The following ERC1 variants were observed in gnomAD, a reference collection of about 807,000 sequenced individuals.
ERC1 encodes the protein ELKS/RAB6-interacting/CAST family member 1, also known as RAB6 interacting protein 2.
Under a neutral mutation model 132.0 loss-of-function variants are expected in ERC1, and 56 were observed. The observed-to-expected ratio is 0.42, with a 90% CI of 0.34 to 0.53. The LOEUF (loss-of-function observed/expected upper bound fraction) is 0.53. Among genes scored for constraint, ERC1 ranks in the 20% least tolerant of loss-of-function variants. ERC1 has a pLI of 0.03. For missense variants in ERC1, 1,202 were observed against 1,349.9 expected, an observed-to-expected ratio of 0.89 and a Z score of 1.72; for synonymous variants, 478 against 476.1, an observed-to-expected ratio of 1.00 and a Z score of -0.05.
chr12:1,482,416 A>G (rs1374273182), intron 18 of ERC1, among the ~76,000 whole-genome samples: 1 of 151,320 alleles, frequency 6.6e-6, no homozygotes, highest in Admixed American at 6.6e-5. Context: ...TAGAGCACTC[A>G]GTCAATTTTT....
At position 1,490,224 on chromosome 12, in the gene ERC1, C is replaced by T; in HGVS notation, c.3345C>T (p.Ser1115=). ...AAGTGGTCAACGCCCTGGAAGAGTC[C>T]TCTTGACCCTGCTTTATGGGGAAGC... ...LEQVVNALEE[S]S is the part of the protein sequence containing the mutation. Residue 1115 remains serine (S), a synonymous_variant, in exon 19 of 19, where the codon TCC becomes TCT. Coordinates refer to ENST00000360905, the MANE Select transcript of ERC1 (RefSeq NM_178040.4). 6.2e-7 allele frequency: 1 copy of T among 1,613,808 alleles called. No individual in the cohort carries two copies.
At chr12:1,405,169 A>AAATAAATAAATAAATG (rs2091386088) in intron 16 of ERC1, among the ~76,000 whole-genome samples, 1 of 148,730 alleles carries the variant, frequency 6.7e-6, no homozygotes, top group African/African-American at 2.4e-5. Flanking sequence ...ATAAATAAAT[A>AAATAAATAAATAAATG]AATAAATAAA....
intron 1 of ERC1, among the ~76,000 whole-genome samples, chr12:1,005,591 G>A (rs544309940): frequency 7.9e-5 from 12 of 152,234 alleles, no homozygotes; most frequent in Admixed American, 6.5e-5. Flanking sequence ...GGTTACTGTA[G>A]TCAATTTTAT....
intron 16 of ERC1, among the ~76,000 whole-genome samples, chr12:1,400,577 A>G (rs1434005785): frequency 1.3e-5 from 2 of 152,098 alleles, no homozygotes; most frequent in Admixed American, 6.5e-5. Context: ...TCTTTGGCCC[A>G]TTTTGAGTTT....
intron 18 of ERC1, among the ~76,000 whole-genome samples, chr12:1,471,388 C>T (rs2093858267): frequency 6.6e-6 from 1 of 152,150 alleles, no homozygotes; most frequent in Non-Finnish European, 1.5e-5. Flanking sequence ...AGGAAGACAG[C>T]CAGAATTTTA....
intron 18 of ERC1, among the ~76,000 whole-genome samples, chr12:1,461,004 A>G (rs1250720757): frequency 1.9e-5 from 2 of 108,066 alleles, no homozygotes; most frequent in Non-Finnish European, 3.4e-5. Context: ...TCCACTTAGG[A>G]TAGACCAAGA....
intron 3 of ERC1, among the ~76,000 whole-genome samples, chr12:1,084,537 T>G (rs1269512922): frequency 6.6e-6 from 1 of 152,204 alleles, no homozygotes; most frequent in Non-Finnish European, 1.5e-5. Flanking sequence ...AGAACATCAT[T>G]GTTTTTTAAA....
intron 17 of ERC1, among the ~76,000 whole-genome samples, chr12:1,428,225 C>CT (rs1196329071): frequency 6.6e-6 from 1 of 152,186 alleles, no homozygotes; most frequent in Non-Finnish European, 1.5e-5. Flanking sequence ...AAATAAAACT[C>CT]TTCACGTATT....
chr12:1,484,602 T>A (rs1168379967), intron 18 of ERC1, among the ~76,000 whole-genome samples: 1 of 140,774 alleles, frequency 7.1e-6, no homozygotes. Flanking sequence ...TTTTTTGAGA[T>A]GGAGTCTTGC....
intron 15 of ERC1, among the ~76,000 whole-genome samples, chr12:1,320,588 G>T (rs2082048924): frequency 6.6e-6 from 1 of 152,154 alleles, no homozygotes; most frequent in Non-Finnish European, 1.5e-5. Context: ...ATAAGTATAA[G>T]AATAACCTTA....
intron 16 of ERC1, among the ~76,000 whole-genome samples, chr12:1,404,010 A>G (rs2091282614): frequency 6.6e-6 from 1 of 152,238 alleles, no homozygotes; most frequent in South Asian, 2.1e-4. Flanking sequence ...GAAATACCAC[A>G]TGCCATAAGA....
chr12:1,091,516 C>T (rs983874456), intron 3 of ERC1, among the ~76,000 whole-genome samples: 1 of 152,088 alleles, frequency 6.6e-6, no homozygotes, highest in African/African-American at 2.4e-5. Context: ...TAATGAGATG[C>T]GAAATTGGAG....
At chr12:1,247,121 G>A (rs1033457227) in intron 13 of ERC1, among the ~76,000 whole-genome samples, 2 of 151,250 alleles carry the variant, frequency 1.3e-5, no homozygotes, top group African/African-American at 2.4e-5. Context: ...TGAGGTTGCA[G>A]TGAGCCCAGG....
chr12:1,420,724 GGATT>G (rs1156578122), intron 17 of ERC1, among the ~76,000 whole-genome samples: 1 of 152,092 alleles, frequency 6.6e-6, no homozygotes, highest in Non-Finnish European at 1.5e-5. Context: ...CAAAGTGCTG[GGATT>G]ACAGGCATGA....
chr12:1,067,715 C>T (rs959242290), intron 2 of ERC1, among the ~76,000 whole-genome samples: 1 of 152,140 alleles, frequency 6.6e-6, no homozygotes, highest in African/African-American at 2.4e-5. Context: ...ATTTTCCTTT[C>T]CTGCTGAAGG....
At chr12:1,376,056 C>G (rs879315566) in intron 16 of ERC1, among the ~76,000 whole-genome samples, 4 of 152,046 alleles carry the variant, frequency 2.6e-5, no homozygotes, top group Non-Finnish European at 5.9e-5. Context: ...TCTTGGTTGT[C>G]TCTAGCCACT....
intron 14 of ERC1, among the ~76,000 whole-genome samples, chr12:1,266,537 T>TG (rs1214401682): frequency 6.6e-6 from 1 of 151,536 alleles, no homozygotes; most frequent in Non-Finnish European, 1.5e-5. Context: ...CCCAAGTAGC[T>TG]GGGGCTACAA....
intron 16 of ERC1, chr12:1,380,354 C>G (rs1471262851): frequency 6.6e-6 from 1 of 152,234 alleles, no homozygotes; most frequent in Non-Finnish European, 1.5e-5. Context: ...CATGCATCCT[C>G]GCCGTGCCAA....
At chr12:1,041,604 C>G (rs1970226170) in intron 2 of ERC1, among the ~76,000 whole-genome samples, 1 of 152,224 alleles carries the variant, frequency 6.6e-6, no homozygotes, top group African/African-American at 2.4e-5. Flanking sequence ...AGAGTGCTCA[C>G]TAGGTCACTC....
Sources: allele counts gnomAD v4.1 joint callset (sites outside exome capture counted in the v4.1 genomes callset), GRCh38; gene constraint gnomAD v4.1.1; transcripts MANE v1.5; gene names NCBI Gene and HGNC (gene_info 2026-07-23, HGNC 2026-07-21).